Variants in FAT3 observed in about 807,000 individuals in gnomAD.
FAT3 encodes protocadherin Fat 3.
Under a neutral mutation model 310.2 loss-of-function variants are expected in FAT3, and 95 were observed. The observed-to-expected ratio is 0.31, with a 90% CI of 0.26 to 0.36. The LOEUF is 0.36. Ranked by LOEUF, FAT3 falls within the 10% of genes least tolerant of loss-of-function variation. The probability of loss-of-function intolerance (pLI) is 1.00; values close to 1 mark genes in which losing one functional copy is unlikely to be tolerated. For synonymous variants in FAT3, 2,314 were observed against 2,192.9 expected, an observed-to-expected ratio of 1.06 and a Z score of -1.54; for missense variants, 5,408 against 5,715.6, an observed-to-expected ratio of 0.95 and a Z score of 1.74.
intron 1 of FAT3, among the ~76,000 whole-genome samples, chr11:92,314,087 A>ACT (rs1345308587): frequency 6.6e-6 from 1 of 152,154 alleles, no homozygotes; most frequent in Non-Finnish European, 1.5e-5. Context: ...TTTTTCAATG[A>ACT]CTCTATAGAA....
intron 3 of FAT3, among the ~76,000 whole-genome samples, chr11:92,610,091 A>T (rs1940492292): frequency 6.6e-6 from 1 of 152,114 alleles, no homozygotes; most frequent in African/African-American, 2.4e-5. Flanking sequence ...GTGAAAATTT[A>T]AGGTAATTTA....
chr11:92,226,949 T>C (rs1233944315), intron 1 of FAT3, among the ~76,000 whole-genome samples: 1 of 152,148 alleles, frequency 6.6e-6, no homozygotes, highest in Non-Finnish European at 1.5e-5. Flanking sequence ...GTTTTCCAAG[T>C]TGGATCCCAC....
At chr11:92,698,326 T>C (rs1943999745) in intron 4 of FAT3, among the ~76,000 whole-genome samples, 1 of 152,202 alleles carries the variant, frequency 6.6e-6, no homozygotes, top group Non-Finnish European at 1.5e-5. Flanking sequence ...ATAGAATCTC[T>C]TCTGGTCTAC....
chr11:92,291,250 T>C (rs1458561100), intron 1 of FAT3, among the ~76,000 whole-genome samples: 1 of 152,098 alleles, frequency 6.6e-6, no homozygotes, highest in East Asian at 1.9e-4. Context: ...CTGAGGTATC[T>C]CAAGCACTCT....
chr11:92,346,494 A>T (rs2134604980), intron 1 of FAT3, among the ~76,000 whole-genome samples: 1 of 152,300 alleles, frequency 6.6e-6, no homozygotes, highest in South Asian at 2.1e-4. Context: ...GATCTGTGAA[A>T]GGGTAGCTTT....
At chr11:92,792,392 G>A (rs1947060656) in intron 8 of FAT3, among the ~76,000 whole-genome samples, 2 of 152,122 alleles carry the variant, frequency 1.3e-5, no homozygotes, top group Admixed American at 6.6e-5. Flanking sequence ...AATTGCTCCT[G>A]CAGAGGAGCC....
intron 19 of FAT3, among the ~76,000 whole-genome samples, chr11:92,852,518 G>T (rs1665444038): frequency 6.6e-6 from 1 of 152,078 alleles, no homozygotes; most frequent in African/African-American, 2.4e-5. Flanking sequence ...GGAGTCCCCA[G>T]AGGATTTTTA....
intron 2 of FAT3, among the ~76,000 whole-genome samples, chr11:92,441,684 G>C (rs2135076325): frequency 6.6e-6 from 1 of 152,208 alleles, no homozygotes; most frequent in African/African-American, 2.4e-5. Context: ...ACAATTAGAG[G>C]AGTCTCTGTT....
chr11:92,407,236 C>T (rs986835179), intron 2 of FAT3, among the ~76,000 whole-genome samples: 3 of 152,044 alleles, frequency 2.0e-5, no homozygotes, highest in Non-Finnish European at 2.9e-5. Flanking sequence ...TGAACAGTTA[C>T]GGGATATTTT....
At chr11:92,581,041 T>C (rs1938766404) in intron 3 of FAT3, among the ~76,000 whole-genome samples, 1 of 152,072 alleles carries the variant, frequency 6.6e-6, no homozygotes, top group African/African-American at 2.4e-5. Context: ...ATTCATTGCC[T>C]GAGCTGGACA....
intron 1 of FAT3, among the ~76,000 whole-genome samples, chr11:92,255,817 G>C (rs1233615370): frequency 6.6e-6 from 1 of 152,098 alleles, no homozygotes; most frequent in African/African-American, 2.4e-5. Context: ...CTAAAACTAA[G>C]TAAAGGAAAA....
Position 92,836,700 on chromosome 11 carries a change from A to G in FAT3, c.10221A>G (p.Glu3407=). ...AAGTTAAGAAGAAATTGGACCGGGA[A>G]CGGGTAAGCTAGTTTAGGACAGTTT... The part of the protein sequence containing the change: ...LVKVKKKLDR[E]RVSGYSLLVQ... The change falls in exon 16 of 28, where the codon GAA becomes GAG. Residue 3407 remains glutamate (E), a synonymous_variant. Coordinates refer to ENST00000525166, the MANE Select transcript of FAT3 (RefSeq NM_001367949.2). 6.2e-7 allele frequency: 1 copy of G among 1,613,260 alleles called. No individual in the cohort carries two copies. Among genetic ancestry groups the G allele is most frequent in the Non-Finnish European group, 8.5e-7 (1 of 1,179,558 alleles).
At chr11:92,381,055 C>T (rs1157278692) in intron 2 of FAT3, among the ~76,000 whole-genome samples, 1 of 152,152 alleles carries the variant, frequency 6.6e-6, no homozygotes, top group Non-Finnish European at 1.5e-5. Context: ...TGGCAATGAC[C>T]AGTCTGTTTC....
rs558797115 is a variant in FAT3, at chr11:92,559,908, A to C, written c.3607+34960A>C. Among the ~76,000 whole-genome samples, 13 of 152,358 alleles carry C rather than the reference A, an allele frequency of 8.5e-5. No homozygotes were observed. In the South Asian group the frequency reaches 2.7e-3, roughly 32 times the overall value. ...TTTCTGTCTTTTGACTATTAGAAACAAGGATATGAATATATATAAGTTTTG... is the reference window on the plus strand; with the variant it reads ...TTTCTGTCTTTTGACTATTAGAAACCAGGATATGAATATATATAAGTTTTG... On this transcript the variant is annotated intron_variant, in intron 3 of 27. Transcript: ENST00000525166.
At chr11:92,293,149 A>C (rs1946741955) in intron 1 of FAT3, among the ~76,000 whole-genome samples, 3 of 151,652 alleles carry the variant, frequency 2.0e-5, no homozygotes, top group African/African-American at 7.3e-5. Flanking sequence ...GGACAACAAC[A>C]ATGTGGGAAC....
chr11:92,435,679 C>T (rs888953377), intron 2 of FAT3, among the ~76,000 whole-genome samples: 1 of 151,778 alleles, frequency 6.6e-6, no homozygotes, highest in Non-Finnish European at 1.5e-5. Context: ...ATTCTCATGC[C>T]TCAGCCACTT....
chr11:92,649,874 CATAT>C (rs10528724), intron 3 of FAT3, among the ~76,000 whole-genome samples: 2,474 of 49,176 alleles, frequency 0.05, 66 homozygotes, highest in African/African-American at 0.13. Context: ...TTTGTATGTT[CATAT>C]ATATATATAT....
chr11:92,863,987 C>T (rs752841434), intron 21 of FAT3, among the ~76,000 whole-genome samples: 3 of 152,118 alleles, frequency 2.0e-5, no homozygotes, highest in African/African-American at 7.2e-5. Flanking sequence ...GGCTAAGAAT[C>T]GTGTAGGCAT....
intron 2 of FAT3, among the ~76,000 whole-genome samples, chr11:92,419,249 T>A (rs1950486998): frequency 2.0e-5 from 3 of 152,192 alleles, no homozygotes; most frequent in African/African-American, 7.2e-5. Flanking sequence ...AAGCTGAATG[T>A]TTGTGTTGCT....
Sources: allele counts gnomAD v4.1 joint callset (sites outside exome capture counted in the v4.1 genomes callset), GRCh38; gene constraint gnomAD v4.1.1; transcripts MANE v1.5; gene names NCBI Gene and HGNC (gene_info 2026-07-23, HGNC 2026-07-21).